SRGAP1: variants seen among roughly 807,000 people sequenced by gnomAD.
SRGAP1 encodes SLIT-ROBO Rho GTPase activating protein 1.
Under a neutral mutation model 121.9 loss-of-function variants are expected in SRGAP1, and 43 were observed. That is an observed-to-expected ratio of 0.35 (90% confidence interval 0.28 to 0.46). The LOEUF (loss-of-function observed/expected upper bound fraction) is 0.46, where lower values mean the gene tolerates loss of function less well. Ranked by LOEUF, SRGAP1 falls within the 20% of genes least tolerant of loss-of-function variation. The pLI, the probability that SRGAP1 is intolerant of heterozygous loss-of-function variation, is 1.00. For missense variants in SRGAP1, 1,102 were observed against 1,350.9 expected (o/e 0.82, Z 2.89); for synonymous variants, 447 against 485.4 (o/e 0.92, Z 1.04).
chr12:63,951,181 T>G (rs1199788728), intron 1 of SRGAP1, among the ~76,000 whole-genome samples: 74 of 122,880 alleles, frequency 6.0e-4, no homozygotes, highest in African/African-American at 2.0e-3. Context: ...TTTTTTTTTT[T>G]GAGACAGAGT....
At chr12:63,904,794 G>T (rs1453987988) in intron 1 of SRGAP1, among the ~76,000 whole-genome samples, 1 of 152,078 alleles carries the variant, frequency 6.6e-6, no homozygotes, top group African/African-American at 2.4e-5. Context: ...AATTAGCCAG[G>T]CATAATGGTA....
chr12:64,090,578 G>A (rs749787882), intron 11 of SRGAP1, among the ~76,000 whole-genome samples: 1 of 152,174 alleles, frequency 6.6e-6, no homozygotes, highest in African/African-American at 2.4e-5. Context: ...GGTGGCTCAC[G>A]CCTATAATTC....
At chr12:64,086,740 A>C (rs1031972932) in intron 10 of SRGAP1, among the ~76,000 whole-genome samples, 3 of 149,642 alleles carry the variant, frequency 2.0e-5, no homozygotes, top group Non-Finnish European at 4.4e-5. Context: ...AAAAAAAAAA[A>C]AACACAGCCT....
intron 1 of SRGAP1, among the ~76,000 whole-genome samples, chr12:63,976,673 G>T (rs1422883194): frequency 6.6e-6 from 1 of 152,180 alleles, no homozygotes; most frequent in African/African-American, 2.4e-5. Context: ...TTTACAGATT[G>T]CAGCATGCTT....
At chr12:63,915,224 G>T (rs1286997782) in intron 1 of SRGAP1, among the ~76,000 whole-genome samples, 3 of 152,190 alleles carry the variant, frequency 2.0e-5, no homozygotes, top group African/African-American at 7.2e-5. Flanking sequence ...GCAACATGAA[G>T]AGCATCAATC....
intron 1 of SRGAP1, among the ~76,000 whole-genome samples, chr12:63,858,007 C>T (rs1476843065): frequency 6.6e-6 from 1 of 152,086 alleles, no homozygotes; most frequent in Non-Finnish European, 1.5e-5. Context: ...GTATTCTTTG[C>T]TTACTTGAAG....
At chr12:63,930,281 A>G (rs1328732949) in intron 1 of SRGAP1, among the ~76,000 whole-genome samples, 4 of 147,400 alleles carry the variant, frequency 2.7e-5, no homozygotes, top group African/African-American at 1.0e-4. Flanking sequence ...ACTTGAGGTC[A>G]GGAGTTTGAG....
At chr12:63,897,031 A>G (rs1900777713) in intron 1 of SRGAP1, among the ~76,000 whole-genome samples, 1 of 152,198 alleles carries the variant, frequency 6.6e-6, no homozygotes, top group African/African-American at 2.4e-5. Flanking sequence ...GAGTGTCAGT[A>G]TTTTGGAGAA....
intron 6 of SRGAP1, among the ~76,000 whole-genome samples, chr12:64,045,171 G>C (rs2035104364): frequency 6.6e-6 from 1 of 151,616 alleles, no homozygotes; most frequent in Non-Finnish European, 1.5e-5. Flanking sequence ...GAACCTTTTT[G>C]TGTTGTTTTA....
At chr12:63,920,170 A>G (rs2030983151) in intron 1 of SRGAP1, among the ~76,000 whole-genome samples, 1 of 152,256 alleles carries the variant, frequency 6.6e-6, no homozygotes, top group Admixed American at 6.5e-5. Flanking sequence ...ACGTGGTATT[A>G]TAAAACATCT....
At chr12:63,936,738 G>C (rs150145588) in intron 1 of SRGAP1, among the ~76,000 whole-genome samples, 2 of 152,190 alleles carry the variant, frequency 1.3e-5, no homozygotes, top group Non-Finnish European at 2.9e-5. Context: ...TTTGAATTGG[G>C]CCCAAAGTTC....
At chr12:63,850,846 T>C (rs901922673) in intron 1 of SRGAP1, among the ~76,000 whole-genome samples, 2 of 152,160 alleles carry the variant, frequency 1.3e-5, no homozygotes, top group African/African-American at 2.4e-5. Context: ...CTTTAGCAGT[T>C]TGAAGGCAGA....
chr12:63,930,736 T>G (rs1163061652), intron 1 of SRGAP1, among the ~76,000 whole-genome samples: 3 of 151,916 alleles, frequency 2.0e-5, no homozygotes, highest in Non-Finnish European at 4.4e-5. Flanking sequence ...GAAAAGATGA[T>G]CTTACTCATT....
At position 64,109,056 on chromosome 12, in the gene SRGAP1, T is replaced by C. The variant is rs990114367; in HGVS notation, c.1919+19T>C. On this transcript the variant is annotated intron_variant, in intron 16 of 21. Coordinates refer to ENST00000355086, the MANE Select transcript of SRGAP1 (RefSeq NM_020762.4). ...TCAATCAGTAAGTACCTGAATGCTC[T>C]GACAAAAGGCCCATCTGAATTCTGT... 6.9e-7 allele frequency: 1 copy of C among 1,458,784 alleles called. No homozygotes were observed. The highest frequency in any genetic ancestry group is 9.3e-7 in the Non-Finnish European group (1 of 1,071,366). 90.4% of individuals were successfully genotyped at this position (1,458,784 alleles called of 1,614,324 possible). A position where few individuals can be genotyped will look rare whatever the true frequency, so the allele number is the denominator to read the frequency against.
chr12:64,041,126 A>G (rs1211607300), intron 4 of SRGAP1, among the ~76,000 whole-genome samples: 6 of 152,142 alleles, frequency 3.9e-5, no homozygotes, highest in Non-Finnish European at 8.8e-5. Flanking sequence ...TTTTAACACA[A>G]CTTTATAAAG....
chr12:63,856,484 T>G (rs1258405073), intron 1 of SRGAP1, among the ~76,000 whole-genome samples: 1 of 152,186 alleles, frequency 6.6e-6, no homozygotes, highest in Non-Finnish European at 1.5e-5. Context: ...TTTTTTATTT[T>G]GTGTGAGCTA....
chr12:63,977,701 C>T (rs1430663458), intron 1 of SRGAP1, among the ~76,000 whole-genome samples: 2 of 151,768 alleles, frequency 1.3e-5, no homozygotes, highest in Non-Finnish European at 2.9e-5. Flanking sequence ...TTAATTGCAG[C>T]AGTTTGAAAA....
chr12:63,915,201 G>A (rs1268268398), intron 1 of SRGAP1, among the ~76,000 whole-genome samples: 1 of 152,180 alleles, frequency 6.6e-6, no homozygotes, highest in Admixed American at 6.5e-5. Context: ...CATGCTAAGG[G>A]CTTGTTAAAT....
chr12:63,848,024 TA>T (rs921641072), intron 1 of SRGAP1, among the ~76,000 whole-genome samples: 2 of 150,656 alleles, frequency 1.3e-5, no homozygotes, highest in Non-Finnish European at 3.0e-5. Context: ...TATATATATA[TA>T]AAAGGAGTAT....
Sources: gnomAD v4.1 joint callset for allele counts (sites outside exome capture counted in the v4.1 genomes callset) on GRCh38, gnomAD v4.1.1 for gene constraint, MANE v1.5 for transcripts, NCBI Gene and HGNC (gene_info 2026-07-23, HGNC 2026-07-21) for gene names.